The following APP variants were observed in gnomAD, a reference collection of about 807,000 sequenced individuals.
The protein encoded by APP is amyloid-beta precursor protein.
In APP, 31 loss-of-function variants were observed where a neutral mutation model predicts 101.4. The ratio of observed to expected loss-of-function variants is 0.31; its 90% CI spans 0.23 to 0.41. APP has a LOEUF of 0.41. APP is among the 10% of genes least tolerant of loss of function. The probability of loss-of-function intolerance (pLI) is 1.00; values close to 1 mark genes in which losing one functional copy is unlikely to be tolerated. For missense variants in APP, 839 were observed against 1,003.7 expected (o/e 0.84, Z 2.22); for synonymous variants, 366 against 364.4 (o/e 1.00, Z -0.05).
At chr21:26,057,397 A>G (rs45518140) in intron 3 of APP, among the ~76,000 whole-genome samples, 17 of 152,160 alleles carry the variant, frequency 1.1e-4, no homozygotes, top group Non-Finnish European at 2.1e-4. Flanking sequence ...TACAGTATGC[A>G]TGTTTATTGA....
chr21:26,099,491 G>A (rs189894078), intron 2 of APP, among the ~76,000 whole-genome samples: 3 of 152,260 alleles, frequency 2.0e-5, no homozygotes, highest in East Asian at 1.9e-4. Context: ...AACTAAAATC[G>A]ATGCCATTTC....
chr21:26,113,027 T>C (rs45496694), intron 1 of APP, among the ~76,000 whole-genome samples: 2 of 152,238 alleles, frequency 1.3e-5, no homozygotes, highest in Non-Finnish European at 2.9e-5. Context: ...GAAATATCTA[T>C]ACCGTGTCAC....
chr21:26,074,995 C>T (rs2061476588), intron 3 of APP, among the ~76,000 whole-genome samples: 1 of 152,132 alleles, frequency 6.6e-6, no homozygotes, highest in Admixed American at 6.5e-5. Flanking sequence ...TTACATAAAA[C>T]CTGCTCTTCC....
At chr21:25,897,293 T>A (rs2038129541) in intron 16 of APP, among the ~76,000 whole-genome samples, 1 of 152,132 alleles carries the variant, frequency 6.6e-6, no homozygotes, top group African/African-American at 2.4e-5. Flanking sequence ...TTTTTGTATT[T>A]TTAGTAGAGA....
At position 26,000,084 on chromosome 21, in the gene APP, C is replaced by T. The variant is rs866061394; in HGVS notation, c.964G>A (p.Gly322Ser). The change falls in exon 7 of 18, where the codon GGC (glycine) becomes AGC (serine). Residue 322 changes from glycine (G) to serine (S), a missense_variant. Transcript: ENST00000346798. ...TEGKCAPFFY[G>S]GCGGNRNNFD... ...TTGTTCCGGTTGCCGCCACATCCGC[C>T]GTAAAAGAATGGGGCACACTTCCCT... The T allele has an allele frequency of 1.5e-5, 24 of 1,614,010 alleles. No individual in the cohort carries two copies. Among genetic ancestry groups the T allele is most frequent in the African/African-American group, 2.7e-5 (2 of 74,912 alleles).
chr21:26,110,646 C>T (rs2234989), intron 2 of APP, among the ~76,000 whole-genome samples: 98,435 of 151,718 alleles, frequency 0.65, 32,298 homozygotes, highest in South Asian at 0.77. Flanking sequence ...TTAAACAGAG[C>T]GCTATCAAAA....
intron 3 of APP, among the ~76,000 whole-genome samples, chr21:26,071,989 C>T (rs1194829671): frequency 6.6e-6 from 1 of 152,208 alleles, no homozygotes; most frequent in Non-Finnish European, 1.5e-5. Context: ...TATGTTCAAA[C>T]TGTCTGGATA....
chr21:26,091,546 G>T (rs147524769), intron 2 of APP, among the ~76,000 whole-genome samples: 1 of 152,252 alleles, frequency 6.6e-6, no homozygotes, highest in East Asian at 1.9e-4. Flanking sequence ...TCAATATTAG[G>T]ATCACTTAAG....
intron 6 of APP, among the ~76,000 whole-genome samples, chr21:26,017,210 A>AAAAAAAAAAAAAAAAAAAAT: frequency 6.7e-6 from 1 of 149,530 alleles, no homozygotes; most frequent in South Asian, 2.1e-4. Context: ...AAAAAAAAAA[A>AAAAAAAAAAAAAAAAAAAAT]AAAAAAAATT....
At chr21:25,926,707 G>A (rs892866376) in intron 13 of APP, among the ~76,000 whole-genome samples, 1 of 152,016 alleles carries the variant, frequency 6.6e-6, no homozygotes. Context: ...TTTTATAGAG[G>A]ACATGGCTAT....
intron 1 of APP, chr21:26,140,215 G>A: frequency 2.0e-6 from 3 of 1,536,070 alleles, no homozygotes; most frequent in Non-Finnish European, 2.6e-6. Flanking sequence ...GGAAGAGCTG[G>A]CTCCAATCAT....
chr21:26,124,440 T>C (rs1232083622), intron 1 of APP, among the ~76,000 whole-genome samples: 1 of 152,252 alleles, frequency 6.6e-6, no homozygotes, highest in Admixed American at 6.5e-5. Context: ...AATTTCCTAA[T>C]TCTTTGATAA....
chr21:26,021,807 G>A, intron 6 of APP, 33 bp downstream of exon 6: 2 of 1,608,900 alleles, frequency 1.2e-6, no homozygotes, highest in East Asian at 4.5e-5. Flanking sequence ...TTTTCCTTGG[G>A]GGTGGGGGGA....
At chr21:26,000,806 T>C (rs536645586) in intron 6 of APP, among the ~76,000 whole-genome samples, 102 of 151,904 alleles carry the variant, frequency 6.7e-4, no homozygotes, top group African/African-American at 2.2e-3. Flanking sequence ...ATATAAATGG[T>C]CTTAAATTAA....
chr21:25,974,670 T>C lies in APP; in HGVS notation c.1458+400A>G, dbSNP rs377605504. Among the ~76,000 whole-genome samples, 39 of 152,356 alleles carry C rather than the reference T, an allele frequency of 2.6e-4. No homozygotes were observed. The East Asian group carries it at 6.2e-3, about 24-fold the overall frequency. ...GCAACTGTGAGAAATAAACTTCTGT[T>C]GCTGATAAGGTACCCAGTCTATGGT... On this transcript the variant is annotated intron_variant, in intron 11 of 17. Coordinates refer to ENST00000346798, the MANE Select transcript of APP (RefSeq NM_000484.4).
chr21:25,930,546 A>T (rs2146391948), intron 13 of APP, among the ~76,000 whole-genome samples: 1 of 140,088 alleles, frequency 7.1e-6, no homozygotes, highest in South Asian at 2.5e-4. Flanking sequence ...ACTTATGCAG[A>T]TAATTATAAG....
At chr21:26,093,027 CAAAGGGATCCTGCTATTA>C (rs1413124346) in intron 2 of APP, among the ~76,000 whole-genome samples, 2 of 152,132 alleles carry the variant, frequency 1.3e-5, no homozygotes, top group Non-Finnish European at 2.9e-5. Flanking sequence ...AACCTAGCTC[CAAAGGGATCCTGCTATTA>C]ATACTTCTCT....
At chr21:26,034,575 G>A (rs970656719) in intron 5 of APP, among the ~76,000 whole-genome samples, 6 of 145,020 alleles carry the variant, frequency 4.1e-5, no homozygotes, top group African/African-American at 1.5e-4. Context: ...CTGGGAGGCA[G>A]AGCCTGCAGT....
chr21:25,960,379 A>C (rs2041527700), intron 11 of APP, among the ~76,000 whole-genome samples: 1 of 151,912 alleles, frequency 6.6e-6, no homozygotes, highest in South Asian at 2.1e-4. Flanking sequence ...AGGCCTGTAG[A>C]GTTTCTTCAG....
Sources: allele counts gnomAD v4.1 joint callset (sites outside exome capture counted in the v4.1 genomes callset), GRCh38; gene constraint gnomAD v4.1.1; transcripts MANE v1.5; gene names NCBI Gene and HGNC (gene_info 2026-07-23, HGNC 2026-07-21).